The following FDXR variants were observed in gnomAD, a reference collection of about 807,000 sequenced individuals.
The protein encoded by FDXR is NADPH:adrenodoxin oxidoreductase, mitochondrial.
A neutral mutation model predicts 58.3 loss-of-function variants in FDXR; 38 were observed. The observed-to-expected ratio is 0.65, with a 90% CI of 0.50 to 0.85. The LOEUF is 0.85. FDXR is among the 40% of genes least tolerant of loss of function. FDXR has a pLI of 0.00. For missense variants in FDXR, 624 were observed against 671.0 expected (o/e 0.93, Z 0.77); for synonymous variants, 275 against 273.8 (o/e 1.00, Z -0.04).
chr17:74,871,001 C>G (rs1032341258), intron 2 of FDXR, among the ~76,000 whole-genome samples: 1 of 152,008 alleles, frequency 6.6e-6, no homozygotes, highest in African/African-American at 2.4e-5. Context: ...TGGGGTTTCA[C>G]CACGTTGGCC....
chr17:74,871,234 C>A (rs1474476623), intron 2 of FDXR, among the ~76,000 whole-genome samples: 1 of 152,256 alleles, frequency 6.6e-6, no homozygotes. Context: ...ATCAACTCAT[C>A]CCAGTTTCCC....
chr17:74,867,167 C>T (rs997649482), intron 2 of FDXR, among the ~76,000 whole-genome samples: 14 of 151,886 alleles, frequency 9.2e-5, no homozygotes, highest in Admixed American at 5.9e-4. Context: ...ATTAGCTGAG[C>T]GTGGTGGTAG....
chr17:74,864,133 A>C lies in FDXR; in HGVS notation c.1002+15T>G. ...GGCCTGGGAAGGGGGTGTCTTTGGGAAACATGAGACTCACCTCCAGTCTAG... is the reference window on the plus strand; with the variant it reads ...GGCCTGGGAAGGGGGTGTCTTTGGGCAACATGAGACTCACCTCCAGTCTAG... On this transcript the variant is annotated intron_variant, in intron 9 of 11. Transcript: ENST00000293195. 1 of 1,612,926 alleles carries C rather than the reference A, an allele frequency of 6.2e-7. No homozygotes were observed. The highest frequency in any genetic ancestry group is 2.2e-5 in the East Asian group (1 of 44,868).
rs1168237892 is a variant in FDXR at position 74,870,516 on chromosome 17, CA to C, written c.177+1519del. Among the ~76,000 whole-genome samples, 12 of 55,006 alleles carry C rather than the reference CA, an allele frequency of 2.2e-4. No individual in the cohort carries two copies. The East Asian group carries it at 2.7e-3, about 12-fold the overall frequency. The allele number at this position is 55,006 out of a possible 152,430, so 36.1% of individuals were successfully genotyped here. A position where few individuals can be genotyped will look rare whatever the true frequency, so the allele number is the denominator to read the frequency against. On this transcript the variant is annotated intron_variant, in intron 2 of 11. Transcript: ENST00000293195. The stretch of plus-strand genomic sequence containing the variant: ...TGGGCGACAGAGCCAGACTCCATCT[CA>C]AAAAAAAAAAAAAAAAAAAAAGAAC...
chr17:74,867,306 CAAAA>C (rs56079045), intron 2 of FDXR, among the ~76,000 whole-genome samples: 490 of 16,416 alleles, frequency 0.03, 2 homozygotes, highest in African/African-American at 0.088. Context: ...GACTCTGTCT[CAAAA>C]AAAAAAAAAA....
intron 1 of FDXR, 183 bp downstream of exon 1, chr17:74,872,683 A>G: frequency 1.5e-6 from 2 of 1,339,266 alleles, no homozygotes; most frequent in South Asian, 2.8e-5. Context: ...CTAACCCTAG[A>G]AGCCTCACAT....
Position 74,866,585 on chromosome 17 carries a change from G to T in FDXR, c.271-17C>A. The T allele has an allele frequency of 6.2e-7, 1 of 1,613,430 alleles. No homozygotes were observed. The highest frequency in any genetic ancestry group is 8.5e-7 in the Non-Finnish European group (1 of 1,180,008). ...GATGACATTCTGCCAGGTCCCCCGGGAATGGGAGGGGTTAGAGGGTAAGGC... is the reference window on the plus strand; with the variant it reads ...GATGACATTCTGCCAGGTCCCCCGGTAATGGGAGGGGTTAGAGGGTAAGGC... On this transcript the variant is annotated splice_polypyrimidine_tract_variant and intron_variant, in intron 3 of 11. Coordinates refer to ENST00000293195, the MANE Select transcript of FDXR (RefSeq NM_024417.5).
Position 74,864,007 on chromosome 17 carries a change from G to C in FDXR, c.1063C>G (p.Leu355Val). ...TTATACCCAATGCTGCTGAGCACCA[G>C]CCCACAAGGGAGGTCTTCCATGTCT... ...TGDMEDLPCG[L>V]VLSSIGYKSR... The change falls in exon 10 of 12, where the codon CTG (leucine) becomes GTG (valine). Residue 355 changes from leucine to valine, a missense_variant. Transcript: ENST00000293195. 6.2e-7 allele frequency: 1 copy of C among 1,614,056 alleles called. No homozygotes were observed. The highest frequency in any genetic ancestry group is 1.3e-5 in the African/African-American group (1 of 75,072).
In FDXR at chr17:74,864,373, G is replaced by A. The variant is rs749579566; in HGVS notation, c.803-26C>T. ...CTGTCAGCAACGTAGAATGTCTCCA[G>A]GCTGTCCCTGGGCCCCGGCCCTCTC... is the stretch of plus-strand genomic sequence containing the variant. On this transcript the variant is annotated intron_variant, in intron 8 of 11. Coordinates refer to ENST00000293195, the MANE Select transcript of FDXR (RefSeq NM_024417.5). The A allele has an allele frequency of 5.7e-6, 9 of 1,587,758 alleles. No individual in the cohort carries two copies. The Admixed American group carries it at 1.6e-4, about 28-fold the overall frequency.
At position 74,864,572 on chromosome 17, in the gene FDXR, G is replaced by C; in HGVS notation, c.718-8C>G. On this transcript the variant is annotated splice_region_variant and splice_polypyrimidine_tract_variant and intron_variant, in intron 7 of 11. Transcript: ENST00000293195. ...AATCATCTCCCGAAGCTCCTTGAAG[G>C]TGGGAGCAGGGAATGGGGGAGGAGG... 6.2e-7 allele frequency: 1 copy of C among 1,612,978 alleles called. No individual in the cohort carries two copies. Among genetic ancestry groups the C allele is most frequent in the Non-Finnish European group, 8.5e-7 (1 of 1,179,172 alleles).
chr17:74,863,305 C>A, intron 10 of FDXR, 59 bp from the exon 11 acceptor site: 125 of 1,510,890 alleles, frequency 8.3e-5, no homozygotes, highest in Admixed American at 2.3e-4. Context: ...CCCTGGCCAT[C>A]CTGTGCCCAC....
At chr17:74,870,029 A>G in intron 2 of FDXR, 1 of 439,360 alleles carries the variant, frequency 2.3e-6, no homozygotes, top group Non-Finnish European at 4.7e-6. Flanking sequence ...TGCCTGACTC[A>G]AGCTAAGGGC....
intron 2 of FDXR, chr17:74,868,770 GC>G (rs903870639): frequency 6.6e-5 from 97 of 1,473,140 alleles, no homozygotes; most frequent in Non-Finnish European, 8.7e-5. Flanking sequence ...CTTCCGATTG[GC>G]CCCCCTCCCT....
rs34975961 is a variant in FDXR at position 74,867,476 on chromosome 17, C to T, written c.178-600G>A. On this transcript the variant is annotated intron_variant, in intron 2 of 11. Coordinates refer to ENST00000293195, the MANE Select transcript of FDXR (RefSeq NM_024417.5). ...CCCACAGCCCTGGCCTCCAACCCTTCGACACTTGGGACCCTCAGGTCCCAG... is the reference window on the plus strand; with the variant it reads ...CCCACAGCCCTGGCCTCCAACCCTTTGACACTTGGGACCCTCAGGTCCCAG... 1.0e-2 allele frequency among the ~76,000 whole-genome samples: 1,514 copies of T among 152,140 alleles called. 36 individuals are homozygous for T. The highest frequency in any genetic ancestry group is 0.034 in the African/African-American group (1,414 of 41,492).
rs527632348 is a variant in FDXR at position 74,866,301 on chromosome 17, C to T, written c.394-57G>A. Reference sequence around the variant, plus strand: ...GCCTTCAGCACCAGCACTGATAGGCCGGGCAGCCCCCCAGGCTCCCAGCGG... The same window carrying T: ...GCCTTCAGCACCAGCACTGATAGGCTGGGCAGCCCCCCAGGCTCCCAGCGG... On this transcript the variant is annotated intron_variant, in intron 4 of 11. Transcript: ENST00000293195. 135 of 1,575,776 alleles carry T rather than the reference C, an allele frequency of 8.6e-5. No homozygotes were observed. The African/African-American group carries it at 1.6e-3, about 19-fold the overall frequency.
At chr17:74,871,976 G>A (rs1969692082) in intron 2 of FDXR, 60 bp downstream of exon 2, 3 of 1,351,388 alleles carry the variant, frequency 2.2e-6, no homozygotes, top group Non-Finnish European at 3.0e-6. Context: ...CAAAGCGGGT[G>A]AGGCTTGCCC....
At position 74,862,743 on chromosome 17, in the gene FDXR, C is replaced by A; in HGVS notation, c.*74G>T. The A allele has an allele frequency of 6.6e-7, 1 of 1,525,070 alleles. No individual in the cohort carries two copies. The highest frequency in any genetic ancestry group is 8.8e-7 in the Non-Finnish European group (1 of 1,138,004). The allele number at this position is 1,525,070 out of a possible 1,614,324, so 94.5% of individuals were successfully genotyped here. Reference sequence around the variant, plus strand: ...CGGGATCAGCAGAGGTGCAAAGTCCCACTCAGACGGACCCAGCCCTTCCCC... The same window carrying A: ...CGGGATCAGCAGAGGTGCAAAGTCCAACTCAGACGGACCCAGCCCTTCCCC... On this transcript the variant is annotated 3_prime_UTR_variant, in exon 12 of 12. Transcript: ENST00000293195.
rs571528622 is a variant in FDXR at position 74,865,002 on chromosome 17, T to A, written c.610-71A>T. 161 of 1,604,758 alleles carry A rather than the reference T, an allele frequency of 1.0e-4. No individual in the cohort carries two copies. The East Asian group carries it at 3.3e-3, about 33-fold the overall frequency. ...AAAGGGGACTCTCCATTTGGTCATG[T>A]CCCCACCGTGGGCCTGGAGAAGGCT... On this transcript the variant is annotated intron_variant, in intron 6 of 11. Coordinates refer to ENST00000293195, the MANE Select transcript of FDXR (RefSeq NM_024417.5).
At position 74,862,878 on chromosome 17, in the gene FDXR, G is replaced by T. The variant is rs1003869648; in HGVS notation, c.1415C>A (p.Thr472Lys). The T allele has an allele frequency of 2.5e-6, 4 of 1,613,120 alleles. No homozygotes were observed. Among genetic ancestry groups the T allele is most frequent in the Non-Finnish European group, 3.4e-6 (4 of 1,179,978 alleles). ...CACCAGCTTCTCCCTGGGCTTCCCC[G>T]TGCCCTGGCCCCGGGCCACCTCCTC... is the stretch of plus-strand genomic sequence containing the variant. The part of the protein sequence containing the change: ...DAEEVARGQG[T>K]GKPREKLVDP... The change falls in exon 12 of 12, where the codon ACG (threonine) becomes AAG (lysine). Residue 472 changes from threonine (T) to lysine (K), a missense_variant. Thr to Lys is a moderately conservative substitution (Grantham distance 78). Coordinates refer to ENST00000293195, the MANE Select transcript of FDXR (RefSeq NM_024417.5).
Sources: allele counts gnomAD v4.1 joint callset (sites outside exome capture counted in the v4.1 genomes callset), GRCh38; gene constraint gnomAD v4.1.1; transcripts MANE v1.5; gene names NCBI Gene and HGNC (gene_info 2026-07-23, HGNC 2026-07-21).